The following ARHGAP35 variants were observed in gnomAD, a reference collection of about 807,000 sequenced individuals.
The protein encoded by ARHGAP35 is rho GTPase-activating protein 35.
ARHGAP35 carries 15 observed loss-of-function variants against 111.1 expected under a neutral mutation model. That is an observed-to-expected ratio of 0.13 (90% CI 0.09 to 0.21). ARHGAP35 has a LOEUF of 0.21. ARHGAP35 is among the 10% of genes least tolerant of loss of function. The probability of loss-of-function intolerance (pLI) is 1.00; values close to 1 mark genes in which losing one functional copy is unlikely to be tolerated. For missense variants in ARHGAP35, 1,262 were observed against 1,873.0 expected (o/e 0.67, Z 6.02); for synonymous variants, 643 against 710.3 (o/e 0.91, Z 1.51).
At chr19:46,935,838 A>AT (rs2056304391) in intron 2 of ARHGAP35, among the ~76,000 whole-genome samples, 1 of 152,146 alleles carries the variant, frequency 6.6e-6, no homozygotes, top group South Asian at 2.1e-4. Flanking sequence ...GTTTAGAGTA[A>AT]TTTTTTCTCC....
chr19:46,982,070 C>T (rs73059317), intron 3 of ARHGAP35, among the ~76,000 whole-genome samples: 32,851 of 151,982 alleles, frequency 0.22, 3,897 homozygotes, highest in Non-Finnish European at 0.28. Flanking sequence ...AGGTTGGTCT[C>T]GAACTGGGCT....
chr19:46,900,974 A>G (rs1599807249), intron 1 of ARHGAP35, among the ~76,000 whole-genome samples: 1 of 151,764 alleles, frequency 6.6e-6, no homozygotes, highest in Non-Finnish European at 1.5e-5. Flanking sequence ...TCCCCATTCT[A>G]TTTCCCTCCT....
At chr19:46,967,013 G>T (rs1025239836) in intron 3 of ARHGAP35, among the ~76,000 whole-genome samples, 2 of 152,176 alleles carry the variant, frequency 1.3e-5, no homozygotes, top group Non-Finnish European at 2.9e-5. Flanking sequence ...TGAGAGTCAG[G>T]TGTAGAGGTG....
chr19:46,973,418 A>G lies in ARHGAP35; in HGVS notation c.3827-14571A>G, dbSNP rs545513153. 2.6e-5 allele frequency among the ~76,000 whole-genome samples: 4 copies of G among 152,220 alleles called. 1 individual carries two copies. The highest frequency in any genetic ancestry group is 2.1e-4 in the South Asian group (1 of 4,820). On this transcript the variant is annotated intron_variant, in intron 3 of 6. Transcript: ENST00000672722. ...AAAAATTGGCCGGGCGCAGTGGCTC[A>G]CGCCTGTAATCCCTGTAATCCCAGC... is the stretch of plus-strand genomic sequence containing the variant.
chr19:46,953,448 T>A (rs1012394665), intron 3 of ARHGAP35, among the ~76,000 whole-genome samples: 2 of 152,060 alleles, frequency 1.3e-5, no homozygotes, highest in East Asian at 3.9e-4. Flanking sequence ...GCCAGGACAT[T>A]CCTGGGAAAG....
rs1222849879 is a variant in ARHGAP35, at chr19:46,922,466, CTGTG to C, written c.3681+116_3681+119del. ...CTATTCTGGTAAAAAAAAAACTGCC[CTGTG>C]TGTGTATTTGACTTAACATAAAAAA... On this transcript the variant is annotated intron_variant, in intron 2 of 6. Transcript: ENST00000672722. This position sits in a 1 kb window ranked among gnomAD's most constrained non-coding sequence, Gnocchi z 4.0. 1.9e-6 allele frequency: 2 copies of C among 1,065,820 alleles called. No individual in the cohort carries two copies. Among genetic ancestry groups the C allele is most frequent in the Non-Finnish European group, 2.6e-6 (2 of 769,284 alleles). 66.0% of individuals were successfully genotyped at this position (1,065,820 alleles called of 1,614,324 possible).
At chr19:46,913,542 C>G (rs2056149086) in intron 1 of ARHGAP35, among the ~76,000 whole-genome samples, 1 of 152,100 alleles carries the variant, frequency 6.6e-6, no homozygotes, top group South Asian at 2.1e-4. Flanking sequence ...ACAAACAACT[C>G]TAGATGCTTG....
intron 1 of ARHGAP35, among the ~76,000 whole-genome samples, chr19:46,869,147 T>TC (rs2055874356): frequency 6.6e-6 from 1 of 152,070 alleles, no homozygotes; most frequent in Non-Finnish European, 1.5e-5. Context: ...CCTCATGTGA[T>TC]CCACCTGCCT....
At chr19:46,878,598 C>T (rs1371614308) in intron 1 of ARHGAP35, among the ~76,000 whole-genome samples, 1 of 152,156 alleles carries the variant, frequency 6.6e-6, no homozygotes, top group Admixed American at 6.6e-5. Context: ...GGTTTATAGG[C>T]CGGAGCCACT....
At chr19:46,879,665 T>C (rs1189394012) in intron 1 of ARHGAP35, among the ~76,000 whole-genome samples, 1 of 108,922 alleles carries the variant, frequency 9.2e-6, no homozygotes, top group Non-Finnish European at 2.0e-5. Flanking sequence ...GCAACTGTAG[T>C]CCCAGCTACT....
chr19:46,913,655 A>G (rs1048165737), intron 1 of ARHGAP35, among the ~76,000 whole-genome samples: 1 of 152,158 alleles, frequency 6.6e-6, no homozygotes, highest in Non-Finnish European at 1.5e-5. Flanking sequence ...TTCCTCTCTG[A>G]AGTAGTTGAC....
intron 3 of ARHGAP35, among the ~76,000 whole-genome samples, chr19:46,984,017 G>C (rs1260181683): frequency 6.6e-6 from 1 of 152,118 alleles, no homozygotes; most frequent in African/African-American, 2.4e-5. Context: ...GATCTTGGCT[G>C]TTCTGAGCTT....
chr19:46,882,054 C>T (rs2055965079), intron 1 of ARHGAP35, among the ~76,000 whole-genome samples: 1 of 152,068 alleles, frequency 6.6e-6, no homozygotes, highest in Non-Finnish European at 1.5e-5. Context: ...GAGTTAGGGT[C>T]TTGCTCTGGA....
chr19:46,872,780 C>G (rs909890232), intron 1 of ARHGAP35, among the ~76,000 whole-genome samples: 14 of 151,508 alleles, frequency 9.2e-5, no homozygotes, highest in African/African-American at 2.7e-4. Flanking sequence ...ACTCAGGAGG[C>G]TGAGGCAGGA....
chr19:46,971,817 T>C (rs1026776047), intron 3 of ARHGAP35, among the ~76,000 whole-genome samples: 2 of 151,594 alleles, frequency 1.3e-5, no homozygotes, highest in African/African-American at 4.8e-5. Context: ...AGTTTTATCC[T>C]TCCCTACAGA....
intron 3 of ARHGAP35, among the ~76,000 whole-genome samples, chr19:46,967,815 G>T (rs10412802): frequency 2.6e-5 from 4 of 152,152 alleles, no homozygotes; most frequent in Non-Finnish European, 4.4e-5. Context: ...GCCTTTCCTT[G>T]CTGTTCCACT....
At chr19:46,962,624 T>G (rs943051474) in intron 3 of ARHGAP35, among the ~76,000 whole-genome samples, 4 of 152,170 alleles carry the variant, frequency 2.6e-5, no homozygotes, top group Non-Finnish European at 5.9e-5. Context: ...TTTTTGTTTT[T>G]GAAATGGAGT....
rs967158436 is a variant in ARHGAP35 at position 46,919,704 on chromosome 19, C to A, written c.1029C>A (p.Ala343=). The A allele has an allele frequency of 6.2e-7, 1 of 1,613,966 alleles. No individual in the cohort carries two copies. The highest frequency in any genetic ancestry group is 1.3e-5 in the African/African-American group (1 of 75,042). ...IERRRKLYLA[A]LPLAFEALIP... Reference sequence around the variant, plus strand: ...GTAGGAGAAAGCTGTACCTGGCAGCCCTGCCATTAGCTTTTGAAGCTCTTA... The same window carrying A: ...GTAGGAGAAAGCTGTACCTGGCAGCACTGCCATTAGCTTTTGAAGCTCTTA... The change falls in exon 2 of 7, where the codon GCC becomes GCA. Residue 343 remains alanine (A), a synonymous_variant. Coordinates refer to ENST00000672722, the MANE Select transcript of ARHGAP35 (RefSeq NM_004491.5). This position sits in a 1 kb window ranked among gnomAD's most constrained non-coding sequence, Gnocchi z 6.2.
intron 3 of ARHGAP35, among the ~76,000 whole-genome samples, chr19:46,957,762 T>C (rs2056449133): frequency 6.6e-6 from 1 of 152,206 alleles, no homozygotes; most frequent in Non-Finnish European, 1.5e-5. Flanking sequence ...ACCTGACTGT[T>C]AGTTCAGGAT....
Sources: gnomAD v4.1 joint callset for allele counts (sites outside exome capture counted in the v4.1 genomes callset) on GRCh38, gnomAD v4.1.1 for gene constraint, Gnocchi (gnomAD v3.1) non-coding constraint, MANE v1.5 for transcripts, NCBI Gene and HGNC (gene_info 2026-07-23, HGNC 2026-07-21) for gene names.